ITPR3: variants seen among roughly 807,000 people sequenced by gnomAD.
The protein encoded by ITPR3 is inositol 1,4,5-trisphosphate receptor type 3, also known as inositol 1,4,5-trisphosphate-gated calcium channel ITPR3.
Under a neutral mutation model 293.2 loss-of-function variants are expected in ITPR3, and 173 were observed. The observed-to-expected ratio is 0.59, with a 90% CI of 0.52 to 0.67. The LOEUF (loss-of-function observed/expected upper bound fraction) is 0.67. ITPR3 is among the 30% of genes least tolerant of loss of function. The probability of loss-of-function intolerance (pLI) is 0.00; values close to 1 mark genes in which losing one functional copy is unlikely to be tolerated. For missense variants in ITPR3, 2,796 were observed against 3,592.1 expected (o/e 0.78, Z 5.66); for synonymous variants, 1,295 against 1,444.4 (o/e 0.90, Z 2.35).
intron 2 of ITPR3, among the ~76,000 whole-genome samples, chr6:33,651,685 T>C (rs1188423136): frequency 6.6e-6 from 1 of 152,262 alleles, no homozygotes; most frequent in African/African-American, 2.4e-5. Context: ...TTTTCCTTTC[T>C]ATCTTCTCTT....
intron 2 of ITPR3, among the ~76,000 whole-genome samples, chr6:33,652,756 G>A (rs761761192): frequency 6.6e-6 from 1 of 152,168 alleles, no homozygotes; most frequent in Non-Finnish European, 1.5e-5. Context: ...GAGCCACCGT[G>A]CCTGGCCTAT....
intron 8 of ITPR3, 99 bp from the exon 9 acceptor site, chr6:33,662,812 C>A: frequency 1.3e-6 from 2 of 1,485,874 alleles, no homozygotes; most frequent in South Asian, 2.6e-5. Context: ...CAGAGAGGGT[C>A]CAGAACCCAC....
chr6:33,642,902 C>T (rs895535906), intron 2 of ITPR3, among the ~76,000 whole-genome samples: 2 of 152,218 alleles, frequency 1.3e-5, no homozygotes, highest in South Asian at 4.1e-4. Flanking sequence ...CCTCTGGACT[C>T]CCTATGGCCC....
chr6:33,679,065 C>T lies in ITPR3; in HGVS notation c.3972+226C>T. ...AGCAGGGTCCCAGTAGCATCAGGCA[C>T]CTAGCAGAACTCAGACAACAGGCCA... On this transcript the variant is annotated intron_variant, in intron 30 of 57. Coordinates refer to ENST00000605930, the MANE Select transcript of ITPR3 (RefSeq NM_002224.4). The surrounding 1 kb of genome is among the most constrained non-coding windows in gnomAD (Gnocchi z 4.2). Among the ~76,000 whole-genome samples the T allele has an allele frequency of 6.6e-6, 1 of 152,184 alleles. No homozygotes were observed. The highest frequency in any genetic ancestry group is 6.5e-5 in the Admixed American group (1 of 15,276).
chr6:33,680,874 G>A (rs1289142404), intron 33 of ITPR3, among the ~76,000 whole-genome samples, 194 bp downstream of exon 33: 1 of 146,546 alleles, frequency 6.8e-6, no homozygotes, highest in Non-Finnish European at 1.5e-5. Flanking sequence ...AGGCTGGAGT[G>A]CAGTGGCGCG....
Position 33,658,618 on chromosome 6 carries a change from T to C in ITPR3, c.370-52T>C. ...GGATCCCCCCATATCCCCTCCCTAA[T>C]GGGCCGACTCCTGTGGCGCGGTGAC... is the stretch of plus-strand genomic sequence containing the variant. On this transcript the variant is annotated intron_variant, in intron 4 of 57. Coordinates refer to ENST00000605930, the MANE Select transcript of ITPR3 (RefSeq NM_002224.4). The surrounding 1 kb of genome is among the most constrained non-coding windows in gnomAD (Gnocchi z 6.1). 7 of 1,600,964 alleles carry C rather than the reference T, an allele frequency of 4.4e-6. No individual in the cohort carries two copies. The highest frequency in any genetic ancestry group is 6.0e-6 in the Non-Finnish European group (7 of 1,171,558).
At position 33,621,771 on chromosome 6, in the gene ITPR3, G is replaced by A. The variant is rs958184429; in HGVS notation, c.89+80G>A. 77 of 1,068,584 alleles carry A rather than the reference G, an allele frequency of 7.2e-5. 1 individual carries two copies. In the East Asian group the frequency reaches 1.5e-3, roughly 21 times the overall value. 66.2% of individuals were successfully genotyped at this position (1,068,584 alleles called of 1,614,324 possible). A position where few individuals can be genotyped will look rare whatever the true frequency, so the allele number is the denominator to read the frequency against. On this transcript the variant is annotated intron_variant, in intron 1 of 57. Transcript: ENST00000605930. This position sits in a 1 kb window ranked among gnomAD's most constrained non-coding sequence, Gnocchi z 7.7. ...TGGTGCCAGCTGCGTGCGTCCAGCC[G>A]CCGCCCCCCGATAGAGGCCTGGACG...
At position 33,680,084 on chromosome 6, in the gene ITPR3, C is replaced by T; in HGVS notation, c.4175C>T (p.Pro1392Leu). Reference sequence around the variant, plus strand: ...GAGATCAAGTGCACCTCCCTGCTGCCGCTGGAGGACGTGGTGTCTGTGGTG... The same window carrying T: ...GAGATCAAGTGCACCTCCCTGCTGCTGCTGGAGGACGTGGTGTCTGTGGTG... ...YTEIKCTSLL[P>L]LEDVVSVVTH... Residue 1392 changes from proline to leucine, a missense_variant, in exon 31 of 58, where the codon CCG becomes CTG. This residue lies in a region of ITPR3 where 344 missense variants were observed against 460.3 expected (regional missense o/e 0.75). Transcript: ENST00000605930. 2.5e-6 allele frequency: 4 copies of T among 1,613,678 alleles called. No individual in the cohort carries two copies. The highest frequency in any genetic ancestry group is 3.4e-6 in the Non-Finnish European group (4 of 1,180,014).
At chr6:33,657,071 G>A (rs116186980) in intron 3 of ITPR3, among the ~76,000 whole-genome samples, 2,268 of 152,296 alleles carry the variant, frequency 0.015, 52 homozygotes, top group African/African-American at 0.049. Context: ...AACCGCAAGC[G>A]GTCACACAGC....
At chr6:33,659,708 T>C (rs898840749) in intron 7 of ITPR3, among the ~76,000 whole-genome samples, 159 bp downstream of exon 7, 3 of 151,974 alleles carry the variant, frequency 2.0e-5, no homozygotes, top group Non-Finnish European at 4.4e-5. Flanking sequence ...CCCACCCACA[T>C]GGCCCTACCA....
In ITPR3 at chr6:33,672,347, C is replaced by T. The variant is rs1396555630; in HGVS notation, c.2928+119C>T. 1.2e-6 allele frequency: 1 copy of T among 858,398 alleles called. No homozygotes were observed. The allele number at this position is 858,398 out of a possible 1,614,324, so 53.2% of individuals were successfully genotyped here. ...TCTCAGTATTTAGTACTGGAAGTCT[C>T]CATCGTGACTGGCTGTCAGGCCCAG... On this transcript the variant is annotated intron_variant, in intron 22 of 57. Transcript: ENST00000605930. The surrounding 1 kb of genome is among the most constrained non-coding windows in gnomAD (Gnocchi z 5.0).
At chr6:33,657,577 G>C (rs1764338709) in intron 3 of ITPR3, among the ~76,000 whole-genome samples, 1 of 151,742 alleles carries the variant, frequency 6.6e-6, no homozygotes, top group African/African-American at 2.4e-5. Flanking sequence ...GGTGGGGGTG[G>C]GTGGTGAGAC....
chr6:33,621,967 G>A lies in ITPR3; in HGVS notation c.89+276G>A, dbSNP rs988090246. Among the ~76,000 whole-genome samples, 8 of 152,230 alleles carry A rather than the reference G, an allele frequency of 5.3e-5. No individual in the cohort carries two copies. Among genetic ancestry groups the A allele is most frequent in the Admixed American group, 4.6e-4 (7 of 15,284 alleles). On this transcript the variant is annotated intron_variant, in intron 1 of 57. Transcript: ENST00000605930. This position sits in a 1 kb window ranked among gnomAD's most constrained non-coding sequence, Gnocchi z 7.7. Reference sequence around the variant, plus strand: ...ACGCCTTTGGAGGGGGCGGAGGGACGGAGGCTTCCTTTGCAGGTGGTCCCG... The same window carrying A: ...ACGCCTTTGGAGGGGGCGGAGGGACAGAGGCTTCCTTTGCAGGTGGTCCCG...
rs763462799 is a variant in ITPR3 at position 33,684,152 on chromosome 6, G to A, written c.4921G>A (p.Gly1641Arg). Residue 1641 changes from glycine (G) to arginine (R), a missense_variant, in exon 36 of 58, where the codon GGG becomes AGG. By Grantham distance (125) the Gly-to-Arg change is moderately radical. Coordinates refer to ENST00000605930, the MANE Select transcript of ITPR3 (RefSeq NM_002224.4). The surrounding 1 kb of genome is among the most constrained non-coding windows in gnomAD (Gnocchi z 4.2). Reference sequence around the variant, plus strand: ...TGAGGCCTACCAGCGCTGCGAGAGTGGGGGCTTCCTGTCCAAGTGAGCGAG... The same window carrying A: ...TGAGGCCTACCAGCGCTGCGAGAGTAGGGGCTTCCTGTCCAAGTGAGCGAG... ...GSEAYQRCES[G>R]GFLSKLIQHT... 1 of 1,610,780 alleles carries A rather than the reference G, an allele frequency of 6.2e-7. No homozygotes were observed. The highest frequency in any genetic ancestry group is 1.1e-5 in the South Asian group (1 of 90,996).
chr6:33,675,711 A>C lies in ITPR3; in HGVS notation c.3137A>C (p.Glu1046Ala). 1 of 1,607,070 alleles carries C rather than the reference A, an allele frequency of 6.2e-7. No homozygotes were observed. The highest frequency in any genetic ancestry group is 8.5e-7 in the Non-Finnish European group (1 of 1,176,310). ...FGVGKTSSML[E>A]VDDEGGRMFL... ...CGCAGGAAGACAAGCAGCATGCTGG[A>C]GGTGGATGACGAGGGCGGCCGCATG... is the stretch of plus-strand genomic sequence containing the variant. The change falls in exon 25 of 58, where the codon GAG becomes GCG. Residue 1046 changes from glutamate to alanine, a missense_variant. Glu to Ala is a moderately radical substitution (Grantham distance 107, BLOSUM62 -1). Coordinates refer to ENST00000605930, the MANE Select transcript of ITPR3 (RefSeq NM_002224.4). This position sits in a 1 kb window ranked among gnomAD's most constrained non-coding sequence, Gnocchi z 5.0.
intron 3 of ITPR3, among the ~76,000 whole-genome samples, chr6:33,657,645 T>TG (rs1401449556): frequency 6.6e-6 from 1 of 151,896 alleles, no homozygotes; most frequent in Non-Finnish European, 1.5e-5. Context: ...CTCAAGGTCC[T>TG]GCTGGCATGC....
At chr6:33,622,979 A>G (rs1356529792) in intron 1 of ITPR3, among the ~76,000 whole-genome samples, 1 of 152,000 alleles carries the variant, frequency 6.6e-6, no homozygotes, top group Non-Finnish European at 1.5e-5. Context: ...ATCCCTGCCT[A>G]TTTGTCCCCA....
In ITPR3 at chr6:33,621,401, C is replaced by G. The variant is rs2151271018; in HGVS notation, c.-202C>G. The G allele has an allele frequency of 3.1e-6, 1 of 326,078 alleles. No homozygotes were observed. Among genetic ancestry groups the G allele is most frequent in the Middle Eastern group, 8.6e-4 (1 of 1,164 alleles). 20.2% of individuals were successfully genotyped at this position (326,078 alleles called of 1,614,324 possible). On this transcript the variant is annotated 5_prime_UTR_variant, in exon 1 of 58. Coordinates refer to ENST00000605930, the MANE Select transcript of ITPR3 (RefSeq NM_002224.4). This position sits in a 1 kb window ranked among gnomAD's most constrained non-coding sequence, Gnocchi z 7.7. ...GGCGGCGGGCGCGCCAAGACGTGGG[C>G]ACCTCCTCACCCGGACCCCGGGCCC...
intron 9 of ITPR3, 21 bp downstream of exon 9, chr6:33,663,027 A>C (rs1033270697): frequency 2.5e-6 from 4 of 1,577,882 alleles, no homozygotes; most frequent in Admixed American, 1.8e-5. Flanking sequence ...GGTAGAGGGC[A>C]TGCTGGGGCT....
Sources: gnomAD v4.1 joint callset for allele counts (sites outside exome capture counted in the v4.1 genomes callset) on GRCh38, gnomAD v4.1.1 for gene constraint, gnomAD v4.1.1 regional missense constraint, Gnocchi (gnomAD v3.1) non-coding constraint, MANE v1.5 for transcripts, NCBI Gene and HGNC (gene_info 2026-07-23, HGNC 2026-07-21) for gene names.